The following COL12A1 variants were observed in gnomAD, a reference collection of about 807,000 sequenced individuals.
COL12A1 encodes the protein collagen alpha-1(XII) chain.
COL12A1 carries 114 observed loss-of-function variants against 349.7 expected under a neutral mutation model. The ratio of observed to expected loss-of-function variants is 0.33; its 90% CI spans 0.28 to 0.38. COL12A1 has a LOEUF of 0.38. Among genes scored for constraint, COL12A1 ranks in the 10% least tolerant of loss-of-function variants. COL12A1 has a pLI of 1.00. For missense variants in COL12A1, 3,284 were observed against 3,756.9 expected (o/e 0.87, Z 3.29); for synonymous variants, 1,369 against 1,329.0 (o/e 1.03, Z -0.66).
chr6:75,092,709 AC>A (rs1321322629), intron 60 of COL12A1, among the ~76,000 whole-genome samples: 1 of 151,136 alleles, frequency 6.6e-6, no homozygotes, highest in East Asian at 1.9e-4. Flanking sequence ...TATTCTCCAC[AC>A]AAAAACCAGA....
At chr6:75,153,863 C>G (rs1211320575) in intron 17 of COL12A1, among the ~76,000 whole-genome samples, 1 of 151,980 alleles carries the variant, frequency 6.6e-6, no homozygotes, top group African/African-American at 2.4e-5. Flanking sequence ...AGTTGCCCAC[C>G]CATTTATGTA....
chr6:75,135,771 T>C lies in COL12A1; in HGVS notation c.5395-916A>G, dbSNP rs1286252353. Among the ~76,000 whole-genome samples, 9 of 152,286 alleles carry C rather than the reference T, an allele frequency of 5.9e-5. No homozygotes were observed. The East Asian group carries it at 1.7e-3, about 29-fold the overall frequency. Reference sequence around the variant, plus strand: ...TCAATACGGACAAACTGAACTACCGTGGCTAATTTTAATAAATTTCATATT... The same window carrying C: ...TCAATACGGACAAACTGAACTACCGCGGCTAATTTTAATAAATTTCATATT... On this transcript the variant is annotated intron_variant, in intron 31 of 65. Transcript: ENST00000322507.
At chr6:75,122,818 T>A (rs546626879) in intron 43 of COL12A1, among the ~76,000 whole-genome samples, 1 of 152,348 alleles carries the variant, frequency 6.6e-6, no homozygotes, top group East Asian at 1.9e-4. Context: ...TGCTGAGAGA[T>A]CAACCTTAAT....
At chr6:75,155,206 C>A (rs918867110) in intron 16 of COL12A1, among the ~76,000 whole-genome samples, 1 of 152,082 alleles carries the variant, frequency 6.6e-6, no homozygotes, top group African/African-American at 2.4e-5. Context: ...CAGCTGGCAC[C>A]CACAAGGTCC....
rs148650016 is a variant in COL12A1, at chr6:75,145,459, C to T, written c.4561-4G>A. The T allele has an allele frequency of 5.0e-6, 8 of 1,613,004 alleles. No individual in the cohort carries two copies. The East Asian group carries it at 1.8e-4, about 36-fold the overall frequency. On this transcript the variant is annotated splice_region_variant and splice_polypyrimidine_tract_variant and intron_variant, in intron 24 of 65. Transcript: ENST00000322507. ...TCACTGTTGGCCCCAAACGCACCTGCACATGGATATGTGGAGCAGAAATAA... is the reference window on the plus strand; with the variant it reads ...TCACTGTTGGCCCCAAACGCACCTGTACATGGATATGTGGAGCAGAAATAA...
At chr6:75,181,476 T>G (rs527648340) in intron 10 of COL12A1, among the ~76,000 whole-genome samples, 1 of 152,342 alleles carries the variant, frequency 6.6e-6, no homozygotes, top group East Asian at 1.9e-4. Flanking sequence ...AATTTGAATG[T>G]GAATTTTGAG....
intron 34 of COL12A1, among the ~76,000 whole-genome samples, chr6:75,132,956 G>A (rs1582102818): frequency 6.6e-6 from 1 of 152,316 alleles, no homozygotes; most frequent in East Asian, 1.9e-4. Context: ...TTCGCACTAT[G>A]AAAGCCAATT....
At chr6:75,174,284 G>A (rs372871287) in intron 13 of COL12A1, among the ~76,000 whole-genome samples, 5 of 152,132 alleles carry the variant, frequency 3.3e-5, no homozygotes, top group Admixed American at 1.3e-4. Context: ...TTGGCCAGGC[G>A]CGGTGGCTCA....
At position 75,090,166 on chromosome 6, in the gene COL12A1, C is replaced by G. The variant is rs761885492; in HGVS notation, c.8885G>C (p.Gly2962Ala). The change falls in exon 63 of 66, where the codon GGG becomes GCG. Residue 2962 changes from glycine (G) to alanine (A), a missense_variant. Around this residue, in one of 2 missense-constraint regions of COL12A1, gnomAD observed 683 missense variants for 932.1 expected, o/e 0.73. Transcript: ENST00000322507. This position sits in a 1 kb window ranked among gnomAD's most constrained non-coding sequence, Gnocchi z 4.1. ...TGTGCCCGGGAAGCCTGGCCGCCCCCCAGGCCCAGGTTCTCCTCTGGCTCC... is the reference window on the plus strand; with the variant it reads ...TGTGCCCGGGAAGCCTGGCCGCCCCGCAGGCCCAGGTTCTCCTCTGGCTCC... Reference protein sequence around the residue: ...SAGARGEPGPGGRPGFPGTPG... With the variant: ...SAGARGEPGPAGRPGFPGTPG... The G allele has an allele frequency of 1.5e-5, 24 of 1,614,008 alleles. No individual in the cohort carries two copies. Among genetic ancestry groups the G allele is most frequent in the Non-Finnish European group, 1.9e-5 (23 of 1,180,022 alleles).
intron 46 of COL12A1, among the ~76,000 whole-genome samples, chr6:75,118,027 G>A (rs962932687): frequency 2.6e-5 from 4 of 151,994 alleles, no homozygotes; most frequent in African/African-American, 7.2e-5. Flanking sequence ...GGCAACAGAC[G>A]GGCTATGACA....
At chr6:75,108,972 C>T in intron 52 of COL12A1, 46 bp downstream of exon 52, 1 of 1,565,414 alleles carries the variant, frequency 6.4e-7, no homozygotes, top group Non-Finnish European at 8.6e-7. Flanking sequence ...AATGCCATTT[C>T]AATCTTAACA....
At chr6:75,101,440 T>G (rs1175623879) in intron 58 of COL12A1, among the ~76,000 whole-genome samples, 160 bp downstream of exon 58, 1 of 152,244 alleles carries the variant, frequency 6.6e-6, no homozygotes, top group African/African-American at 2.4e-5. Context: ...TTGAGATTGA[T>G]CTGATGTTGG....
rs1421303714 is a variant in COL12A1 at position 75,095,190 on chromosome 6, T to C, written c.8578-11A>G. 6.2e-7 allele frequency: 1 copy of C among 1,609,062 alleles called. No homozygotes were observed. The highest frequency in any genetic ancestry group is 8.5e-7 in the Non-Finnish European group (1 of 1,176,090). On this transcript the variant is annotated splice_polypyrimidine_tract_variant and intron_variant, in intron 59 of 65. Coordinates refer to ENST00000322507, the MANE Select transcript of COL12A1 (RefSeq NM_004370.6). ...GGAGCCTGGGCTTCCCTACAACACA[T>C]GGAAAGGGAAGGGGACTGTTATGAC...
At chr6:75,165,989 C>A (rs1768280023) in intron 13 of COL12A1, among the ~76,000 whole-genome samples, 1 of 152,040 alleles carries the variant, frequency 6.6e-6, no homozygotes, top group Non-Finnish European at 1.5e-5. Context: ...TTGATTCCTA[C>A]CTCTTAACTT....
chr6:75,145,523 G>T, intron 24 of COL12A1, 68 bp from the exon 25 acceptor site: 1 of 1,491,710 alleles, frequency 6.7e-7, no homozygotes, highest in South Asian at 1.3e-5. Context: ...CTTTGGAATA[G>T]TCAACTGAAG....
Position 75,121,430 on chromosome 6 carries a change from C to T in COL12A1, c.6958G>A (p.Ala2320Thr), listed in dbSNP as rs1298143933. 5 of 1,587,986 alleles carry T rather than the reference C, an allele frequency of 3.1e-6. No individual in the cohort carries two copies. Among genetic ancestry groups the T allele is most frequent in the South Asian group, 1.1e-5 (1 of 87,774 alleles). Residue 2320 changes from alanine (A) to threonine (T), a missense_variant, in exon 44 of 66, where the codon GCC (alanine) becomes ACC (threonine). Ala to Thr is a moderately conservative substitution (Grantham distance 58). Transcript: ENST00000322507. The part of the protein sequence containing the change: ...IPPARDVCKG[A>T]KADIVFLTDA... The stretch of plus-strand genomic sequence containing the variant: ...GTCAAGAACACAATATCTGCCTTGG[C>T]CCCTTTGCATACTGCAAAAAAAGAA...
Position 75,133,335 on chromosome 6 carries a change from T to C in COL12A1, c.5752A>G (p.Thr1918Ala), listed in dbSNP as rs1766405494. 3 of 1,611,582 alleles carry C rather than the reference T, an allele frequency of 1.9e-6. No homozygotes were observed. Among genetic ancestry groups the C allele is most frequent in the Non-Finnish European group, 2.5e-6 (3 of 1,178,904 alleles). Residue 1918 changes from threonine (T) to alanine (A), a missense_variant, in exon 34 of 66, where the codon ACT (threonine) becomes GCT (alanine). Coordinates refer to ENST00000322507, the MANE Select transcript of COL12A1 (RefSeq NM_004370.6). The part of the protein sequence containing the change: ...SYTVTVVPVY[T>A]EGDGGRTSDT... ...GATGTGCGTCCCCCATCACCTTCAG[T>C]ATAAACGGGAACTACAGTCACAGTG...
At chr6:75,102,253 G>A (rs1768338381) in intron 56 of COL12A1, among the ~76,000 whole-genome samples, 1 of 152,114 alleles carries the variant, frequency 6.6e-6, no homozygotes, top group Non-Finnish European at 1.5e-5. Flanking sequence ...CAAATGCTGT[G>A]TTATAATTTC....
rs1013855872 is a variant in COL12A1, at chr6:75,113,131, A to G, written c.7950+73T>C. The G allele has an allele frequency of 7.3e-5, 54 of 742,726 alleles. No individual in the cohort carries two copies. The East Asian group carries it at 1.7e-3, about 23-fold the overall frequency. 46.0% of individuals were successfully genotyped at this position (742,726 alleles called of 1,614,324 possible). A position where few individuals can be genotyped will look rare whatever the true frequency, so the allele number is the denominator to read the frequency against. On this transcript the variant is annotated intron_variant, in intron 51 of 65. Transcript: ENST00000322507. The stretch of plus-strand genomic sequence containing the variant: ...GTTATAATTCTGCCAATTTAACATG[A>G]CATTTTAATAAATAATAAATTTGTT...
Sources: allele counts gnomAD v4.1 joint callset (sites outside exome capture counted in the v4.1 genomes callset), GRCh38; gene constraint gnomAD v4.1.1; regional missense constraint gnomAD v4.1.1; non-coding constraint Gnocchi (gnomAD v3.1); transcripts MANE v1.5; gene names NCBI Gene and HGNC (gene_info 2026-07-23, HGNC 2026-07-21).